SIPA1L2: variants seen among roughly 807,000 people sequenced by gnomAD.
SIPA1L2 encodes signal induced proliferation associated 1 like 2, also known as signal-induced proliferation-associated 1-like protein 2.
A neutral mutation model predicts 163.9 loss-of-function variants in SIPA1L2; 56 were observed. The ratio of observed to expected loss-of-function variants is 0.34; its 90% confidence interval spans 0.28 to 0.43. The LOEUF (loss-of-function observed/expected upper bound fraction) is 0.43, where lower values mean the gene tolerates loss of function less well. Ranked by LOEUF, SIPA1L2 falls within the 20% of genes least tolerant of loss-of-function variation. The probability of loss-of-function intolerance (pLI) is 1.00; values close to 1 mark genes in which losing one functional copy is unlikely to be tolerated. For synonymous variants in SIPA1L2, 877 were observed against 865.7 expected (o/e 1.01, Z -0.23); for missense variants, 1,974 against 2,193.5 (o/e 0.90, Z 2.00).
intron 17 of SIPA1L2, among the ~76,000 whole-genome samples, chr1:232,426,110 G>C (rs1380095815): frequency 6.6e-6 from 1 of 152,200 alleles, no homozygotes; most frequent in East Asian, 1.9e-4. Flanking sequence ...CCTTATAGCA[G>C]TGATAGTTCC....
At chr1:232,558,040 T>C (rs1658813704) in intron 2 of SIPA1L2, among the ~76,000 whole-genome samples, 1 of 152,136 alleles carries the variant, frequency 6.6e-6, no homozygotes, top group South Asian at 2.1e-4. Context: ...AAGTGACAAG[T>C]CATAGCTGCA....
rs1010834496 is a variant in SIPA1L2, at chr1:232,432,231, C to T, written c.4256+16G>A. ...GTGAAAAATGCTGACCAGAGAAGAACAGCCAGCCACCTTACCCGGGACATT... is the reference window on the plus strand; with the variant it reads ...GTGAAAAATGCTGACCAGAGAAGAATAGCCAGCCACCTTACCCGGGACATT... On this transcript the variant is annotated intron_variant, in intron 16 of 22. Coordinates refer to ENST00000674635, the MANE Select transcript of SIPA1L2 (RefSeq NM_020808.5). The T allele has an allele frequency of 1.2e-6, 2 of 1,608,364 alleles. No individual in the cohort carries two copies. Among genetic ancestry groups the T allele is most frequent in the African/African-American group, 1.3e-5 (1 of 74,826 alleles).
At position 232,465,207 on chromosome 1, in the gene SIPA1L2, G is replaced by A; in HGVS notation, c.2453C>T (p.Thr818Ile). 6.2e-7 allele frequency: 1 copy of A among 1,614,188 alleles called. No homozygotes were observed. Among genetic ancestry groups the A allele is most frequent in the Non-Finnish European group, 8.5e-7 (1 of 1,180,036 alleles). The stretch of plus-strand genomic sequence containing the variant: ...CACAGAGGTATCCACGGTGGCGGTT[G>A]TGACAAAGTTCTCCGCCAGATCTTT... ...YLKDLAENFV[T>I]TATVDTSVKF... Residue 818 changes from threonine (T) to isoleucine (I), a missense_variant, in exon 9 of 23, where the codon ACA becomes ATA. Physicochemically the swap from Thr to Ile is moderately conservative, Grantham distance 89. Coordinates refer to ENST00000674635, the MANE Select transcript of SIPA1L2 (RefSeq NM_020808.5). This position sits in a 1 kb window ranked among gnomAD's most constrained non-coding sequence, Gnocchi z 4.1.
At chr1:232,477,602 T>C (rs1003805197) in intron 7 of SIPA1L2, among the ~76,000 whole-genome samples, 1 of 152,170 alleles carries the variant, frequency 6.6e-6, no homozygotes. Context: ...GTTGGGGAAG[T>C]TTAACACACA....
At chr1:232,574,722 C>T (rs571577526) in intron 1 of SIPA1L2, among the ~76,000 whole-genome samples, 1 of 152,096 alleles carries the variant, frequency 6.6e-6, no homozygotes, top group Non-Finnish European at 1.5e-5. Flanking sequence ...TTTTTAAGAA[C>T]GTCAAAGGAA....
At chr1:232,428,371 TAGTG>T in intron 17 of SIPA1L2, 36 bp downstream of exon 17, 12 of 1,267,130 alleles carry the variant, frequency 9.5e-6, no homozygotes, top group Non-Finnish European at 1.1e-5. Context: ...TTTTTTTTTT[TAGTG>T]TTTCTGGTAA....
chr1:232,616,203 C>T (rs1573180306), intron 1 of SIPA1L2, among the ~76,000 whole-genome samples: 2 of 152,198 alleles, frequency 1.3e-5, no homozygotes, highest in South Asian at 2.1e-4. Context: ...GACTTTTATC[C>T]TACAGTAGAG....
intron 2 of SIPA1L2, among the ~76,000 whole-genome samples, chr1:232,531,519 G>A (rs572771292): frequency 1.7e-4 from 26 of 152,202 alleles, no homozygotes; most frequent in Admixed American, 5.2e-4. Flanking sequence ...ATACGTATAC[G>A]TGACTACTAC....
At chr1:232,626,797 C>G (rs1663100256) in intron 1 of SIPA1L2, among the ~76,000 whole-genome samples, 1 of 152,178 alleles carries the variant, frequency 6.6e-6, no homozygotes, top group South Asian at 2.1e-4. Context: ...TTTCATTACT[C>G]TAATGCGTTC....
At chr1:232,457,785 G>C (rs1033506572) in intron 10 of SIPA1L2, among the ~76,000 whole-genome samples, 1 of 152,140 alleles carries the variant, frequency 6.6e-6, no homozygotes, top group African/African-American at 2.4e-5. Flanking sequence ...TGCTGAGCGC[G>C]AGGGTGAAAC....
intron 10 of SIPA1L2, among the ~76,000 whole-genome samples, chr1:232,454,139 T>A (rs1029692351): frequency 6.6e-6 from 1 of 152,148 alleles, no homozygotes; most frequent in Admixed American, 6.5e-5. Flanking sequence ...GGCAGTGGCA[T>A]ACATGAAATA....
rs572372956 is a variant in SIPA1L2 at position 232,630,085 on chromosome 1, C to G, written c.-535G>C. On this transcript the variant is annotated 5_prime_UTR_variant, in exon 1 of 23. Transcript: ENST00000674635. ...CGGCGGGGGCGCGGTGCTCCTCCTCCGTCCTCCTCCTCCTCTCGCTCCGCC... is the reference window on the plus strand; with the variant it reads ...CGGCGGGGGCGCGGTGCTCCTCCTCGGTCCTCCTCCTCCTCTCGCTCCGCC... 6.6e-6 allele frequency among the ~76,000 whole-genome samples: 1 copy of G among 150,830 alleles called. No homozygotes were observed. The highest frequency in any genetic ancestry group is 2.4e-5 in the African/African-American group (1 of 41,272).
chr1:232,611,782 G>GA lies in SIPA1L2; in HGVS notation c.-319+18086dup, dbSNP rs377180358. ...TGCAGCCGGACAATGTGACAGAAAA[G>GA]AAATCCTATTTTCTGAGGAGAAATC... On this transcript the variant is annotated intron_variant, in intron 1 of 22. Coordinates refer to ENST00000674635, the MANE Select transcript of SIPA1L2 (RefSeq NM_020808.5). Among the ~76,000 whole-genome samples, 411 of 152,274 alleles carry GA rather than the reference G, an allele frequency of 2.7e-3. 3 individuals carry two copies. Among genetic ancestry groups the GA allele is most frequent in the African/African-American group, 9.5e-3 (395 of 41,546 alleles).
In SIPA1L2 at chr1:232,514,156, G is replaced by A. The variant is rs1333003183; in HGVS notation, c.1184C>T (p.Ala395Val). The A allele has an allele frequency of 6.2e-7, 1 of 1,614,210 alleles. No homozygotes were observed. Among genetic ancestry groups the A allele is most frequent in the East Asian group, 2.2e-5 (1 of 44,874 alleles). ...GTTACTTTTCCCATCACCCTCATCG[G>A]CATCCAGGTTCTCTTTGGAGTTGAG... is the stretch of plus-strand genomic sequence containing the variant. ...EDLNSKENLD[A>V]DEGDGKSNDL... The change falls in exon 3 of 23, where the codon GCC becomes GTC. Residue 395 changes from alanine to valine, a missense_variant. Around this residue, in one of 3 missense-constraint regions of SIPA1L2, gnomAD observed 607 missense variants for 624.0 expected, o/e 0.97. Coordinates refer to ENST00000674635, the MANE Select transcript of SIPA1L2 (RefSeq NM_020808.5).
chr1:232,461,941 A>T (rs1664258962), intron 9 of SIPA1L2, among the ~76,000 whole-genome samples: 1 of 152,124 alleles, frequency 6.6e-6, no homozygotes, highest in Non-Finnish European at 1.5e-5. Flanking sequence ...TCACAAGGCA[A>T]GTGTGTAGGA....
At chr1:232,592,795 C>G (rs901939453) in intron 1 of SIPA1L2, among the ~76,000 whole-genome samples, 2 of 141,894 alleles carry the variant, frequency 1.4e-5, no homozygotes, top group Admixed American at 1.5e-4. Context: ...TTTATCCTCT[C>G]CGAATGTTCA....
chr1:232,537,973 C>T (rs1341190045), intron 2 of SIPA1L2, among the ~76,000 whole-genome samples: 1 of 152,078 alleles, frequency 6.6e-6, no homozygotes, highest in Non-Finnish European at 1.5e-5. Flanking sequence ...CAAAAATAAC[C>T]TAAGTGTAAC....
chr1:232,504,234 A>C (rs1430025033), intron 3 of SIPA1L2, among the ~76,000 whole-genome samples: 2 of 151,370 alleles, frequency 1.3e-5, no homozygotes, highest in Middle Eastern at 3.4e-3. Context: ...ACAACAACAA[A>C]AAACCACAAG....
intron 2 of SIPA1L2, among the ~76,000 whole-genome samples, chr1:232,525,537 T>A (rs373950425): frequency 6.6e-6 from 1 of 151,916 alleles, no homozygotes; most frequent in Non-Finnish European, 1.5e-5. Context: ...ATTACAGGCA[T>A]GAGTCAACAC....
Sources: allele counts gnomAD v4.1 joint callset (sites outside exome capture counted in the v4.1 genomes callset), GRCh38; gene constraint gnomAD v4.1.1; regional missense constraint gnomAD v4.1.1; non-coding constraint Gnocchi (gnomAD v3.1); transcripts MANE v1.5; gene names NCBI Gene and HGNC (gene_info 2026-07-23, HGNC 2026-07-21).